SLC24A2: variants seen among roughly 807,000 people sequenced by gnomAD.
SLC24A2 encodes the protein solute carrier family 24 member 2, also known as sodium/potassium/calcium exchanger 2.
A neutral mutation model predicts 62.0 loss-of-function variants in SLC24A2; 36 were observed. That is an observed-to-expected ratio of 0.58 (90% CI 0.44 to 0.77). The LOEUF is 0.77. Among genes scored for constraint, SLC24A2 ranks in the 30% least tolerant of loss-of-function variants. The probability of loss-of-function intolerance (pLI) is 0.00; values close to 1 mark genes in which losing one functional copy is unlikely to be tolerated. For synonymous variants in SLC24A2, 358 were observed against 294.0 expected (o/e 1.22, Z -2.23); for missense variants, 846 against 817.9 (o/e 1.03, Z -0.42).
the SLC24A2 span, among the ~76,000 whole-genome samples, chr9:20,298,307 G>A: frequency 7.2e-5 from 11 of 152,284 alleles, no homozygotes; most frequent in South Asian, 2.3e-3. Flanking sequence ...TCGGCTCACT[G>A]TACCTCCACC....
rs1832896922 is a variant in SLC24A2 at position 19,515,766 on chromosome 9, GGT to G, written c.*385_*386del. On this transcript the variant is annotated 3_prime_UTR_variant, in exon 11 of 11. Transcript: ENST00000341998. ...ACTAATCTATAGGTATGCAAGGAGA[GGT>G]ATAGTACAGGAACAGGCAGGATTTG... 1 of 267,990 alleles carries G rather than the reference GGT, an allele frequency of 3.7e-6. No homozygotes were observed. Among genetic ancestry groups the G allele is most frequent in the African/African-American group, 2.2e-5 (1 of 45,770 alleles). The allele number at this position is 267,990 out of a possible 1,614,324, so 16.6% of individuals were successfully genotyped here. A position where few individuals can be genotyped will look rare whatever the true frequency, so the allele number is the denominator to read the frequency against.
the SLC24A2 span, among the ~76,000 whole-genome samples, chr9:19,823,167 C>A: frequency 6.6e-6 from 1 of 152,126 alleles, no homozygotes; most frequent in African/African-American, 2.4e-5. Context: ...TAGCAGAACA[C>A]AGGTAAGATA....
At chr9:19,897,077 T>C in the SLC24A2 span, among the ~76,000 whole-genome samples, 2 of 152,208 alleles carry the variant, frequency 1.3e-5, no homozygotes, top group African/African-American at 2.4e-5. Flanking sequence ...GCCTTCTTCA[T>C]AGTAATTGAT....
chr9:19,615,010 T>TGGGGG (rs79642421), intron 4 of SLC24A2, among the ~76,000 whole-genome samples: 60 of 152,204 alleles, frequency 3.9e-4, no homozygotes, highest in Middle Eastern at 3.4e-3. Flanking sequence ...CACTAAGTCT[T>TGGGGG]GGGGTGCTTT....
the SLC24A2 span, among the ~76,000 whole-genome samples, chr9:20,024,715 G>T: frequency 1.3e-5 from 2 of 152,244 alleles, no homozygotes; most frequent in South Asian, 4.2e-4. Flanking sequence ...AAGAAGATCA[G>T]GTCACACGTC....
At chr9:20,073,683 T>C in the SLC24A2 span, among the ~76,000 whole-genome samples, 1 of 152,048 alleles carries the variant, frequency 6.6e-6, no homozygotes, top group African/African-American at 2.4e-5. Context: ...TTAAAACTCA[T>C]TCACCATTTC....
rs1402420550 is a variant in SLC24A2, at chr9:19,508,348, C to T, written c.*7805G>A. The T allele has an allele frequency of 6.6e-6, 1 of 152,018 alleles. No homozygotes were observed. The highest frequency in any genetic ancestry group is 1.5e-5 in the Non-Finnish European group (1 of 68,026). The allele number at this position is 152,018 out of a possible 1,614,324, so 9.4% of individuals were successfully genotyped here. The stretch of plus-strand genomic sequence containing the variant: ...TATCACTGGCCCTTGGTTCAGATAC[C>T]CTTTCTTTAGGGCAATTTGGCCACT... On this transcript the variant is annotated 3_prime_UTR_variant, in exon 11 of 11. Transcript: ENST00000341998.
At chr9:19,539,040 C>A (rs544622751) in intron 8 of SLC24A2, among the ~76,000 whole-genome samples, 4 of 96,848 alleles carry the variant, frequency 4.1e-5, no homozygotes, top group Middle Eastern at 8.4e-3. Context: ...TCTGTGGGAT[C>A]GGTGGTGATA....
At chr9:20,050,422 A>G in the SLC24A2 span, among the ~76,000 whole-genome samples, 1 of 152,096 alleles carries the variant, frequency 6.6e-6, no homozygotes, top group African/African-American at 2.4e-5. Flanking sequence ...CCTCAAATAA[A>G]TAAATAAAGC....
At chr9:20,235,380 C>T in the SLC24A2 span, among the ~76,000 whole-genome samples, 14,967 of 152,280 alleles carry the variant, frequency 0.098, 2,149 homozygotes, top group East Asian at 0.62. Flanking sequence ...CCACCCAGTT[C>T]GAACTTCCCG....
At chr9:20,176,206 G>C in the SLC24A2 span, among the ~76,000 whole-genome samples, 1 of 151,966 alleles carries the variant, frequency 6.6e-6, no homozygotes, top group Non-Finnish European at 1.5e-5. Context: ...TGATCTTGAG[G>C]CTTAAAAATG....
the SLC24A2 span, among the ~76,000 whole-genome samples, chr9:20,290,850 A>G: frequency 1.3e-5 from 2 of 152,210 alleles, no homozygotes; most frequent in African/African-American, 4.8e-5. Flanking sequence ...GGCCATTGCA[A>G]CCTTGTGCCC....
At chr9:19,940,798 T>A in the SLC24A2 span, among the ~76,000 whole-genome samples, 2 of 152,216 alleles carry the variant, frequency 1.3e-5, no homozygotes, top group Non-Finnish European at 2.9e-5. Flanking sequence ...CAATGCACAG[T>A]TCAAAGCACT....
chr9:19,986,181 T>C, the SLC24A2 span, among the ~76,000 whole-genome samples: 3 of 152,100 alleles, frequency 2.0e-5, no homozygotes, highest in Admixed American at 1.3e-4. Flanking sequence ...CATGAAAAGA[T>C]GCTCAACATC....
chr9:19,708,080 C>G (rs1163396377), intron 2 of SLC24A2, among the ~76,000 whole-genome samples: 7 of 152,120 alleles, frequency 4.6e-5, no homozygotes, highest in African/African-American at 1.7e-4. Context: ...AATCAATGTG[C>G]AAAAATCACA....
the SLC24A2 span, among the ~76,000 whole-genome samples, chr9:20,063,132 C>T: frequency 6.6e-5 from 9 of 136,998 alleles, no homozygotes; most frequent in African/African-American, 2.6e-4. Context: ...CACAGCCATC[C>T]CATTACTGGG....
At chr9:20,287,062 C>G in the SLC24A2 span, among the ~76,000 whole-genome samples, 1 of 152,186 alleles carries the variant, frequency 6.6e-6, no homozygotes, top group Non-Finnish European at 1.5e-5. Flanking sequence ...GGTCTGCTTC[C>G]TAAATAAACA....
At chr9:19,915,012 T>C in the SLC24A2 span, among the ~76,000 whole-genome samples, 39 of 152,274 alleles carry the variant, frequency 2.6e-4, no homozygotes, top group South Asian at 6.6e-3. Context: ...TAGTTTTTAG[T>C]ATATTCACAA....
At chr9:19,696,969 C>T (rs1057299138) in intron 2 of SLC24A2, among the ~76,000 whole-genome samples, 3 of 152,086 alleles carry the variant, frequency 2.0e-5, no homozygotes, top group African/African-American at 7.2e-5. Context: ...GATCCCAATA[C>T]ATCATATGCC....
Sources: gnomAD v4.1 joint callset for allele counts (sites outside exome capture counted in the v4.1 genomes callset) on GRCh38, gnomAD v4.1.1 for gene constraint, MANE v1.5 for transcripts, NCBI Gene and HGNC (gene_info 2026-07-23, HGNC 2026-07-21) for gene names.